The following OTOG variants were observed in gnomAD, a reference collection of about 807,000 sequenced individuals.
OTOG encodes otogelin.
A neutral mutation model predicts 313.8 loss-of-function variants in OTOG; 296 were observed. The ratio of observed to expected loss-of-function variants is 0.94; its 90% CI spans 0.86 to 1.04. The LOEUF (loss-of-function observed/expected upper bound fraction) is 1.04. Among genes scored for constraint, OTOG ranks in the 50% least tolerant of loss-of-function variants. OTOG has a pLI of 0.00. For missense variants in OTOG, 3,948 were observed against 3,840.1 expected (o/e 1.03, Z -0.74); for synonymous variants, 1,533 against 1,554.9 (o/e 0.99, Z 0.33).
At position 17,570,253 on chromosome 11, in the gene OTOG, G is replaced by A; in HGVS notation, c.1818G>A (p.Arg606=). The part of the protein sequence containing the change: ...EIRRLSSVFL[R]VRTNVGVRVL... ...GTAGGCTGTCCTCCGTGTTCCTGCG[G>A]GTGAGGACGAACGTGGGCGTGCGGG... Residue 606 remains arginine (R), a synonymous_variant, in exon 17 of 56, where the codon CGG becomes CGA. Coordinates refer to ENST00000399397, the MANE Select transcript of OTOG (RefSeq NM_001292063.2). The A allele has an allele frequency of 6.4e-7, 1 of 1,550,888 alleles. No homozygotes were observed. Among genetic ancestry groups the A allele is most frequent in the Non-Finnish European group, 8.7e-7 (1 of 1,147,048 alleles).
At chr11:17,585,837 C>T (rs1428675289) in intron 23 of OTOG, among the ~76,000 whole-genome samples, 1 of 152,190 alleles carries the variant, frequency 6.6e-6, no homozygotes, top group African/African-American at 2.4e-5. Context: ...TGCTTGTATT[C>T]TTTTGAAAAA....
intron 39 of OTOG, among the ~76,000 whole-genome samples, chr11:17,627,547 CA>C (rs1854016952): frequency 6.6e-6 from 1 of 152,034 alleles, no homozygotes; most frequent in Non-Finnish European, 1.5e-5. Flanking sequence ...TAACAACTTG[CA>C]GTCTTTTTTT....
chr11:17,583,033 T>C (rs931519940), intron 23 of OTOG, among the ~76,000 whole-genome samples: 1 of 151,974 alleles, frequency 6.6e-6, no homozygotes, highest in African/African-American at 2.4e-5. Context: ...TAATTTATCA[T>C]TTTTTTCTTT....
chr11:17,548,602 T>C (rs753562064), intron 3 of OTOG, among the ~76,000 whole-genome samples: 2 of 152,030 alleles, frequency 1.3e-5, no homozygotes, highest in Non-Finnish European at 2.9e-5. Context: ...CAGAGGCTCC[T>C]CTCCATACCC....
In OTOG at chr11:17,639,456, G is replaced by A. The variant is rs1847922497; in HGVS notation, c.7928G>A (p.Cys2643Tyr). Residue 2643 changes from cysteine (C) to tyrosine (Y), a missense_variant, in exon 49 of 56, where the codon TGC (cysteine) becomes TAC (tyrosine). Transcript: ENST00000399397. ...TGTGACACAATCCCGGTGCCCCGGT[G>A]CCATCTGGTATGGAGACGCTCCTCC... is the stretch of plus-strand genomic sequence containing the variant. ...CDCDTIPVPRCHLWEKSQLDE... is the reference protein window; with the variant it reads ...CDCDTIPVPRYHLWEKSQLDE... 1.0e-5 allele frequency: 16 copies of A among 1,550,708 alleles called. No individual in the cohort carries two copies. The highest frequency in any genetic ancestry group is 1.4e-5 in the Non-Finnish European group (16 of 1,147,010).
Position 17,641,056 on chromosome 11 carries a change from A to C in OTOG, c.8155A>C (p.Thr2719Pro), listed in dbSNP as rs1847960719. The change falls in exon 51 of 56, where the codon ACC becomes CCC. Residue 2719 changes from threonine to proline, a missense_variant. By Grantham distance (38) the Thr-to-Pro change is conservative. Coordinates refer to ENST00000399397, the MANE Select transcript of OTOG (RefSeq NM_001292063.2). Reference sequence around the variant, plus strand: ...TCTCACCAACTTCTACCAGATCAACACCACCTCCGTGCTCTGTGACATCCA... The same window carrying C: ...TCTCACCAACTTCTACCAGATCAACCCCACCTCCGTGCTCTGTGACATCCA... ...DPLTNFYQIN[T>P]TSVLCDIHCE... The C allele has an allele frequency of 7.9e-7, 1 of 1,265,348 alleles. No homozygotes were observed. Among genetic ancestry groups the C allele is most frequent in the Non-Finnish European group, 1.0e-6 (1 of 982,584 alleles). The allele number at this position is 1,265,348 out of a possible 1,614,324, so 78.4% of individuals were successfully genotyped here.
rs1220145728 is a variant in OTOG, at chr11:17,609,730, C to T, written c.4430C>T (p.Thr1477Ile). Residue 1477 changes from threonine (T) to isoleucine (I), a missense_variant, in exon 36 of 56, where the codon ACT becomes ATT. Coordinates refer to ENST00000399397, the MANE Select transcript of OTOG (RefSeq NM_001292063.2). ...ETLPPSQGLP[T>I]PSDEEPQLSQ... ...CTCCCTCCCAGTCAAGGGTTGCCCA[C>T]TCCCAGTGATGAGGAGCCACAGCTG... is the stretch of plus-strand genomic sequence containing the variant. 2.6e-6 allele frequency: 4 copies of T among 1,545,862 alleles called. No individual in the cohort carries two copies. Among genetic ancestry groups the T allele is most frequent in the Non-Finnish European group, 3.5e-6 (4 of 1,144,590 alleles).
At chr11:17,566,560 T>C (rs755523863) in intron 15 of OTOG, among the ~76,000 whole-genome samples, 1 of 152,206 alleles carries the variant, frequency 6.6e-6, no homozygotes, top group Non-Finnish European at 1.5e-5. Flanking sequence ...CCAATTCTAA[T>C]CCATTCCACA....
rs1334017424 is a variant in OTOG at position 17,558,249 on chromosome 11, T to C, written c.930T>C (p.Pro310=). ...GGCAGGAGCAGGCCCCTAACCAGCC[T>C]CCAGGGCCCACAACTTCCTCCCTGC... The part of the protein sequence containing the change: ...HSWQEQAPNQ[P]PGPTTSSLPR... Residue 310 remains proline, a synonymous_variant, in exon 9 of 56, where the codon CCT becomes CCC. Coordinates refer to ENST00000399397, the MANE Select transcript of OTOG (RefSeq NM_001292063.2). 3.9e-6 allele frequency: 6 copies of C among 1,550,470 alleles called. No homozygotes were observed. In the African/African-American group the frequency reaches 8.2e-5, roughly 21 times the overall value.
At position 17,559,520 on chromosome 11, in the gene OTOG, C is replaced by T. The variant is rs563481431; in HGVS notation, c.1214-14C>T. ...GGCCAGTAGCTGAGAGACCATGGAT[C>T]CCTCCTTCCCAAGCTGTGCACTGCA... On this transcript the variant is annotated splice_polypyrimidine_tract_variant and intron_variant, in intron 11 of 55. Transcript: ENST00000399397. 10 of 1,550,514 alleles carry T rather than the reference C, an allele frequency of 6.4e-6. No homozygotes were observed. The Admixed American group carries it at 2.0e-4, about 30-fold the overall frequency.
In OTOG at chr11:17,574,858, G is replaced by A; in HGVS notation, c.2432G>A (p.Cys811Tyr). The A allele has an allele frequency of 6.5e-7, 1 of 1,546,424 alleles. No individual in the cohort carries two copies. Among genetic ancestry groups the A allele is most frequent in the Non-Finnish European group, 8.7e-7 (1 of 1,144,622 alleles). The change falls in exon 20 of 56, where the codon TGT becomes TAT. Residue 811 changes from cysteine to tyrosine, a missense_variant. Transcript: ENST00000399397. The stretch of plus-strand genomic sequence containing the variant: ...AGCAGAGACGAGTGTGTGGAGGGCT[G>A]TGCCTGCCCACCGGACACCTATCTG... ...DLSRDECVEG[C>Y]ACPPDTYLDT...
At chr11:17,591,641 A>C (rs1403687997) in intron 25 of OTOG, 53 bp downstream of exon 25, 3 of 1,542,492 alleles carry the variant, frequency 1.9e-6, no homozygotes, top group African/African-American at 2.7e-5. Context: ...CTGTCAGGGC[A>C]CTCTGGTGCT....
intron 32 of OTOG, among the ~76,000 whole-genome samples, chr11:17,604,238 G>C (rs962174670): frequency 6.6e-6 from 1 of 152,202 alleles, no homozygotes; most frequent in Non-Finnish European, 1.5e-5. Flanking sequence ...GTACAGCCCC[G>C]GACTCTGCAT....
intron 6 of OTOG, among the ~76,000 whole-genome samples, chr11:17,554,669 G>C (rs1465096179): frequency 6.6e-6 from 1 of 152,192 alleles, no homozygotes; most frequent in Admixed American, 6.5e-5. Context: ...ACTGCTCTAG[G>C]GGCCATGCCC....
intron 39 of OTOG, among the ~76,000 whole-genome samples, chr11:17,621,386 A>G (rs114967171): frequency 0.011 from 1,656 of 152,204 alleles, 36 homozygotes; most frequent in African/African-American, 0.038. Flanking sequence ...ACCCTTCTGC[A>G]TACCCTACCC....
At chr11:17,573,038 G>A (rs931846012) in intron 18 of OTOG, 40 bp from the exon 19 acceptor site, 72 of 1,492,400 alleles carry the variant, frequency 4.8e-5, no homozygotes, top group African/African-American at 2.2e-4. Flanking sequence ...CAGGTAGACC[G>A]ACTCCCCTGA....
At chr11:17,552,204 T>A in intron 4 of OTOG, 129 bp downstream of exon 4, 2 of 899,502 alleles carry the variant, frequency 2.2e-6, no homozygotes, top group South Asian at 3.1e-5. Context: ...TGGCATCTCC[T>A]TCCACCCACT....
intron 54 of OTOG, among the ~76,000 whole-genome samples, chr11:17,645,145 G>A (rs954254145): frequency 6.6e-6 from 1 of 152,222 alleles, no homozygotes; most frequent in African/African-American, 2.4e-5. Flanking sequence ...TATTCATTTA[G>A]GAAATTGCAT....
chr11:17,614,607 C>G (rs7128016), intron 39 of OTOG, among the ~76,000 whole-genome samples: 4,059 of 152,220 alleles, frequency 0.027, 180 homozygotes, highest in African/African-American at 0.092. Flanking sequence ...ACCCCTCCCC[C>G]CTCCTGCTGA....
Sources: gnomAD v4.1 joint callset for allele counts (sites outside exome capture counted in the v4.1 genomes callset) on GRCh38, gnomAD v4.1.1 for gene constraint, MANE v1.5 for transcripts, NCBI Gene and HGNC (gene_info 2026-07-23, HGNC 2026-07-21) for gene names.